Variants in MAGEC3 observed in about 807,000 individuals in gnomAD.
MAGEC3 encodes MAGE family member C3, also known as melanoma-associated antigen C3.
Under a neutral mutation model 35.3 loss-of-function variants are expected in MAGEC3, and 34 were observed. The ratio of observed to expected loss-of-function variants is 0.96; its 90% CI spans 0.73 to 1.28. The LOEUF is 1.28. Ranked by LOEUF, MAGEC3 falls within the 50% of genes most tolerant of loss-of-function variation. The pLI is 0.00. For missense variants in MAGEC3, 561 were observed against 483.6 expected (o/e 1.16, Z -1.50); for synonymous variants, 202 against 185.6 (o/e 1.09, Z -0.72).
chrX:141,896,848 C>T (rs2018101232), intron 6 of MAGEC3, 34 bp from the exon 7 acceptor site: 1 of 1,200,315 alleles, frequency 8.3e-7, no homozygotes, highest in Admixed American at 2.3e-5. Context: ...CTTGTCCTCA[C>T]CCTTACCCTC....
intron 2 of MAGEC3, among the ~76,000 whole-genome samples, chrX:141,866,978 G>T (rs2017853107): frequency 9.0e-6 from 1 of 110,587 alleles, no homozygotes; most frequent in Non-Finnish European, 1.9e-5. Flanking sequence ...GCCAAGGGAG[G>T]TTAGATGAAG....
intron 1 of MAGEC3, among the ~76,000 whole-genome samples, chrX:141,843,571 C>T (rs2017698650): frequency 9.0e-6 from 1 of 110,652 alleles, no homozygotes; most frequent in Admixed American, 9.7e-5. Flanking sequence ...TATATATCAC[C>T]CCATGAACAG....
At chrX:141,860,606 A>C (rs1346521323) in intron 1 of MAGEC3, among the ~76,000 whole-genome samples, 1 of 112,273 alleles carries the variant, frequency 8.9e-6, no homozygotes, top group Non-Finnish European at 1.9e-5. Flanking sequence ...CCCGTAGAAT[A>C]TTGTTCCTCC....
In MAGEC3 at chrX:141,839,894, G is replaced by A. The variant is rs926111981; in HGVS notation, c.123+1456G>A. The stretch of plus-strand genomic sequence containing the variant: ...AGCAGAGACAGAGATGCTTCTAAGC[G>A]TCTTATTGGACAAAGGACGACCTCA... On this transcript the variant is annotated intron_variant, in intron 1 of 7. Coordinates refer to ENST00000298296, the MANE Select transcript of MAGEC3 (RefSeq NM_138702.1). The A allele has an allele frequency of 1.8e-5, 9 of 494,633 alleles. No homozygotes were observed. The Admixed American group carries it at 3.6e-4, about 20-fold the overall frequency. 40.8% of individuals were successfully genotyped at this position (494,633 alleles called of 1,213,427 possible). A position where few individuals can be genotyped will look rare whatever the true frequency, so the allele number is the denominator to read the frequency against.
In MAGEC3 at chrX:141,891,307, G is replaced by A. The variant is rs771595464; in HGVS notation, c.910-3962G>A. ...GCATTTTGAGGAAGGGGTATAATTC[G>A]GCCCATAACACCCTGCCAACTAAAA... On this transcript the variant is annotated intron_variant, in intron 4 of 7. Transcript: ENST00000298296. Among the ~76,000 whole-genome samples the A allele has an allele frequency of 4.5e-5, 5 of 111,069 alleles. No individual in the cohort carries two copies. In the South Asian group the frequency reaches 1.1e-3, roughly 25 times the overall value.
intron 1 of MAGEC3, among the ~76,000 whole-genome samples, chrX:141,864,329 A>T (rs1027090871): frequency 9.1e-6 from 1 of 109,438 alleles, no homozygotes; most frequent in Admixed American, 9.8e-5. Context: ...AAAAAAAAAA[A>T]AAAAAATTAA....
Position 141,881,633 on chromosome X carries a change from T to TCTA in MAGEC3, c.747_749dup (p.Tyr250dup). 1 of 1,211,670 alleles carries TCTA rather than the reference T, an allele frequency of 8.3e-7. No individual in the cohort carries two copies. Among genetic ancestry groups the TCTA allele is most frequent in the Non-Finnish European group, 1.1e-6 (1 of 895,457 alleles). ...CTGACAGAAGTGGACCCCGACCATT[T>TCTA]CTATGTCTTTGTAAACACATTAGAC... On this transcript the variant is annotated inframe_insertion, in exon 4 of 8. Coordinates refer to ENST00000298296, the MANE Select transcript of MAGEC3 (RefSeq NM_138702.1).
intron 1 of MAGEC3, among the ~76,000 whole-genome samples, chrX:141,862,817 G>A (rs768887600): frequency 8.9e-6 from 1 of 112,126 alleles, no homozygotes; most frequent in East Asian, 2.8e-4. Context: ...GGGTGGTGAA[G>A]AGAGGTTGGT....
chrX:141,871,267 T>C (rs1433245186), intron 2 of MAGEC3, among the ~76,000 whole-genome samples: 1 of 111,832 alleles, frequency 8.9e-6, no homozygotes, highest in Non-Finnish European at 1.9e-5. Context: ...TTCCAGGGCC[T>C]AATAAACAAG....
At position 141,897,737 on chromosome X, in the gene MAGEC3, G is replaced by A. The variant is rs756860684; in HGVS notation, c.1837G>A (p.Asp613Asn). The change falls in exon 8 of 8, where the codon GAC (aspartate) becomes AAC (asparagine). Residue 613 changes from aspartate (D) to asparagine (N), a missense_variant. By Grantham distance (23) the Asp-to-Asn change is conservative. Coordinates refer to ENST00000298296, the MANE Select transcript of MAGEC3 (RefSeq NM_138702.1). ...CATGGATGCTTTGAAAGATATGGAA[G>A]ACAGAGCCCAGGCCATAATTGACAC... Reference protein sequence around the residue: ...WYMDALKDMEDRAQAIIDTTD... With the variant: ...WYMDALKDMENRAQAIIDTTD... 1 of 1,210,011 alleles carries A rather than the reference G, an allele frequency of 8.3e-7. No homozygotes were observed. Among genetic ancestry groups the A allele is most frequent in the South Asian group, 1.8e-5 (1 of 56,773 alleles).
intron 1 of MAGEC3, among the ~76,000 whole-genome samples, chrX:141,841,417 C>A (rs1292562901): frequency 1.8e-5 from 2 of 111,847 alleles, no homozygotes; most frequent in Non-Finnish European, 3.8e-5. Context: ...AGTTATTATA[C>A]ATATTACCTG....
At chrX:141,840,631 C>T (rs2017680210) in intron 1 of MAGEC3, among the ~76,000 whole-genome samples, 1 of 111,287 alleles carries the variant, frequency 9.0e-6, no homozygotes, top group Non-Finnish European at 1.9e-5. Flanking sequence ...AGTGCCTCTC[C>T]TCACTAAATT....
intron 4 of MAGEC3, among the ~76,000 whole-genome samples, chrX:141,892,110 C>G (rs926942097): frequency 3.6e-5 from 4 of 111,055 alleles, no homozygotes; most frequent in African/African-American, 9.8e-5. Flanking sequence ...CTTGTATACA[C>G]CTTGCTTTTT....
intron 2 of MAGEC3, among the ~76,000 whole-genome samples, chrX:141,874,862 T>C (rs1727940010): frequency 9.1e-6 from 1 of 110,048 alleles, no homozygotes; most frequent in Admixed American, 9.7e-5. Flanking sequence ...AAACACACTG[T>C]TTTTGCTGTG....
At chrX:141,880,827 GAA>G in intron 3 of MAGEC3, 1 of 1,136,825 alleles carries the variant, frequency 8.8e-7, no homozygotes, top group African/African-American at 1.8e-5. Context: ...CTTAAGAGAA[GAA>G]GAGCTGTAAG....
chrX:141,877,190 G>A (rs1181051232), intron 2 of MAGEC3, among the ~76,000 whole-genome samples: 1 of 111,424 alleles, frequency 9.0e-6, no homozygotes, highest in Admixed American at 9.5e-5. Context: ...TTATGTTCAG[G>A]TAGGTCTTTG....
intron 1 of MAGEC3, among the ~76,000 whole-genome samples, chrX:141,844,346 C>G (rs893796652): frequency 2.2e-4 from 24 of 110,962 alleles, no homozygotes; most frequent in Admixed American, 2.1e-3. Context: ...AATCCCTTCT[C>G]ATTCCCTTGC....
intron 4 of MAGEC3, among the ~76,000 whole-genome samples, chrX:141,886,584 G>A (rs2018004185): frequency 9.0e-6 from 1 of 110,953 alleles, no homozygotes; most frequent in Admixed American, 9.5e-5. Context: ...TTAAAGTAGG[G>A]GCTTTTGGAG....
chrX:141,865,390 T>C, intron 1 of MAGEC3, 81 bp from the exon 2 acceptor site: 1 of 970,243 alleles, frequency 1.0e-6, no homozygotes, highest in Non-Finnish European at 1.4e-6. Flanking sequence ...GGAAAGACAC[T>C]AAAGAAGAAT....
Sources: gnomAD v4.1 joint callset for allele counts (sites outside exome capture counted in the v4.1 genomes callset) on GRCh38, gnomAD v4.1.1 for gene constraint, MANE v1.5 for transcripts, NCBI Gene and HGNC (gene_info 2026-07-23, HGNC 2026-07-21) for gene names.